GRIA4: variants seen among roughly 807,000 people sequenced by gnomAD.
The protein encoded by GRIA4 is glutamate receptor 4.
A neutral mutation model predicts 104.0 loss-of-function variants in GRIA4; 34 were observed. The observed-to-expected ratio is 0.33, with a 90% CI of 0.25 to 0.44. The LOEUF is 0.44. Ranked by LOEUF, GRIA4 falls within the 20% of genes least tolerant of loss-of-function variation. GRIA4 has a pLI of 1.00. For synonymous variants in GRIA4, 386 were observed against 381.9 expected (o/e 1.01, Z -0.13); for missense variants, 750 against 1,096.5 (o/e 0.68, Z 4.46).
chr11:105,953,451 C>G (rs1948506508), intron 14 of GRIA4, among the ~76,000 whole-genome samples: 1 of 152,102 alleles, frequency 6.6e-6, no homozygotes, highest in African/African-American at 2.4e-5. Flanking sequence ...TTCTCTCTAC[C>G]TATTTCATCT....
At chr11:105,617,817 C>T (rs945744335) in intron 3 of GRIA4, among the ~76,000 whole-genome samples, 3 of 151,976 alleles carry the variant, frequency 2.0e-5, no homozygotes, top group Non-Finnish European at 4.4e-5. Flanking sequence ...CCTTAAGGAG[C>T]TGATAGCCCA....
At chr11:105,863,365 T>C (rs955468572) in intron 5 of GRIA4, among the ~76,000 whole-genome samples, 7 of 151,256 alleles carry the variant, frequency 4.6e-5, no homozygotes, top group African/African-American at 1.7e-4. Flanking sequence ...TTACTTCCTG[T>C]CGTCCCTTTG....
chr11:105,719,667 G>T (rs904634778), intron 3 of GRIA4, among the ~76,000 whole-genome samples: 1 of 151,998 alleles, frequency 6.6e-6, no homozygotes, highest in South Asian at 2.1e-4. Flanking sequence ...TTTTCTCCGT[G>T]AAGTCCCTGA....
intron 3 of GRIA4, among the ~76,000 whole-genome samples, chr11:105,696,355 A>G (rs1242867921): frequency 1.3e-5 from 2 of 152,196 alleles, no homozygotes; most frequent in Non-Finnish European, 2.9e-5. Flanking sequence ...TATTCTCATT[A>G]TCTCTATTCT....
At chr11:105,835,025 G>C (rs375462101) in intron 4 of GRIA4, among the ~76,000 whole-genome samples, 1 of 151,984 alleles carries the variant, frequency 6.6e-6, no homozygotes, top group Admixed American at 6.6e-5. Context: ...TAAATACAAA[G>C]TAAGCCCTAC....
intron 12 of GRIA4, among the ~76,000 whole-genome samples, chr11:105,925,614 T>G (rs1162202585): frequency 2.0e-5 from 3 of 152,100 alleles, no homozygotes; most frequent in Admixed American, 2.0e-4. Flanking sequence ...TCTTAAGACC[T>G]AGGAAAATTA....
At chr11:105,827,747 G>A (rs886355733) in intron 4 of GRIA4, among the ~76,000 whole-genome samples, 1 of 151,788 alleles carries the variant, frequency 6.6e-6, no homozygotes, top group African/African-American at 2.4e-5. Flanking sequence ...AAATTAATGG[G>A]GATACCAAAT....
intron 4 of GRIA4, among the ~76,000 whole-genome samples, chr11:105,796,871 GAAGA>G (rs1393785794): frequency 6.6e-6 from 1 of 152,052 alleles, no homozygotes; most frequent in Admixed American, 6.6e-5. Flanking sequence ...TTGGTAATGA[GAAGA>G]AAGAAGTCCA....
chr11:105,712,270 C>T (rs904041225), intron 3 of GRIA4, among the ~76,000 whole-genome samples: 2 of 152,086 alleles, frequency 1.3e-5, no homozygotes, highest in African/African-American at 4.8e-5. Context: ...GATTTTTCTC[C>T]ATGGTAGAGA....
At chr11:105,908,874 G>A (rs75169187) in intron 9 of GRIA4, among the ~76,000 whole-genome samples, 4 of 152,194 alleles carry the variant, frequency 2.6e-5, no homozygotes, top group Non-Finnish European at 4.4e-5. Context: ...TTAATGGAGT[G>A]CTAAACTGTA....
chr11:105,958,176 C>G (rs1948639777), intron 14 of GRIA4, among the ~76,000 whole-genome samples: 1 of 152,146 alleles, frequency 6.6e-6, no homozygotes, highest in Non-Finnish European at 1.5e-5. Context: ...GAGAGGGCAC[C>G]CCTGTCTTGT....
chr11:105,911,570 T>C (rs2136167176), intron 10 of GRIA4, among the ~76,000 whole-genome samples: 1 of 151,394 alleles, frequency 6.6e-6, no homozygotes, highest in South Asian at 2.1e-4. Flanking sequence ...AAAGTGATAT[T>C]AAGGTTAAAG....
At chr11:105,839,838 C>T (rs937889672) in intron 4 of GRIA4, among the ~76,000 whole-genome samples, 1 of 151,926 alleles carries the variant, frequency 6.6e-6, no homozygotes, top group Admixed American at 6.6e-5. Context: ...ATTATAATAG[C>T]TTTGTTATTA....
At chr11:105,802,968 A>G in intron 4 of GRIA4, among the ~76,000 whole-genome samples, 1 of 152,098 alleles carries the variant, frequency 6.6e-6, no homozygotes, top group Non-Finnish European at 1.5e-5. Context: ...TTAATTAGGT[A>G]TATCTTAAAT....
chr11:105,856,877 A>G (rs1227934021), intron 4 of GRIA4, among the ~76,000 whole-genome samples: 1 of 152,160 alleles, frequency 6.6e-6, no homozygotes, highest in Non-Finnish European at 1.5e-5. Flanking sequence ...TCCATCTTTG[A>G]AGATGAATTC....
chr11:105,710,369 C>T (rs762104945), intron 3 of GRIA4, among the ~76,000 whole-genome samples: 8 of 151,914 alleles, frequency 5.3e-5, no homozygotes, highest in Non-Finnish European at 1.0e-4. Flanking sequence ...TGGAAGAGAC[C>T]CTTAAAATGA....
At chr11:105,944,503 A>C (rs1948257966) in intron 14 of GRIA4, among the ~76,000 whole-genome samples, 1 of 152,110 alleles carries the variant, frequency 6.6e-6, no homozygotes, top group African/African-American at 2.4e-5. Context: ...CCTGATTCTA[A>C]GCTCTGTTAA....
chr11:105,917,631 G>A (rs558719703), intron 10 of GRIA4, among the ~76,000 whole-genome samples: 1 of 152,188 alleles, frequency 6.6e-6, no homozygotes, highest in South Asian at 2.1e-4. Context: ...TAATGTTGTA[G>A]CCAAAGGTGG....
At chr11:105,790,734 C>A (rs553932372) in intron 4 of GRIA4, among the ~76,000 whole-genome samples, 7 of 152,244 alleles carry the variant, frequency 4.6e-5, no homozygotes, top group African/African-American at 4.8e-5. Flanking sequence ...GTACTACTGA[C>A]ACTTTAAATG....
Sources: gnomAD v4.1 joint callset for allele counts (sites outside exome capture counted in the v4.1 genomes callset) on GRCh38, gnomAD v4.1.1 for gene constraint, MANE v1.5 for transcripts, NCBI Gene and HGNC (gene_info 2026-07-23, HGNC 2026-07-21) for gene names.